SH3TC2: variants seen among roughly 807,000 people sequenced by gnomAD.
SH3TC2 encodes the protein SH3 domain and tetratricopeptide repeat-containing protein 2.
In SH3TC2, 87 loss-of-function variants were observed where a neutral mutation model predicts 124.5. The ratio of observed to expected loss-of-function variants is 0.70; its 90% CI spans 0.59 to 0.84. The LOEUF is 0.84. SH3TC2 is among the 40% of genes least tolerant of loss of function. The probability of loss-of-function intolerance (pLI) is 0.00; values close to 1 mark genes in which losing one functional copy is unlikely to be tolerated. For synonymous variants in SH3TC2, 634 were observed against 628.5 expected (o/e 1.01, Z -0.13); for missense variants, 1,536 against 1,566.4 (o/e 0.98, Z 0.33).
At chr5:149,045,442 C>T (rs1053973804) in intron 3 of SH3TC2, 1 of 152,178 alleles carries the variant, frequency 6.6e-6, no homozygotes, top group Non-Finnish European at 1.5e-5. Flanking sequence ...TGATAAACAT[C>T]TTTATAGCTA....
rs547035706 is a variant in SH3TC2, at chr5:149,008,966, C to A, written c.3363G>T (p.Ala1121=). 1 of 1,614,104 alleles carries A rather than the reference C, an allele frequency of 6.2e-7. No homozygotes were observed. Among genetic ancestry groups the A allele is most frequent in the Admixed American group, 1.7e-5 (1 of 60,006 alleles). The change falls in exon 15 of 17, where the codon GCG becomes GCT. Residue 1121 remains alanine, a synonymous_variant. Coordinates refer to ENST00000515425, the MANE Select transcript of SH3TC2 (RefSeq NM_024577.4). ...TGAAAATCCGGAGCTCAGTTCTCAC[C>A]GCCTTCAACCTCCTTGCTAAAGGAA... The part of the protein sequence containing the change: ...GAVPLARRLK[A]VRTELRIFNK...
Position 149,062,954 on chromosome 5 carries a change from C to A in SH3TC2, c.52+17G>T. On this transcript the variant is annotated intron_variant, in intron 1 of 16. Transcript: ENST00000515425. The stretch of plus-strand genomic sequence containing the variant: ...CTTTGGCCAAGCCACAGGCCAAGGG[C>A]CCCCTGGGAAACTCACCTGGGCCCC... The A allele has an allele frequency of 6.3e-7, 1 of 1,578,748 alleles. No individual in the cohort carries two copies. Among genetic ancestry groups the A allele is most frequent in the East Asian group, 2.3e-5 (1 of 43,220 alleles).
chr5:149,012,527 C>T (rs1753800747), intron 13 of SH3TC2, 57 bp downstream of exon 13: 1 of 1,605,568 alleles, frequency 6.2e-7, no homozygotes, highest in Non-Finnish European at 8.5e-7. Flanking sequence ...GAGGGTACAG[C>T]TGCCTCCCCA....
chr5:149,015,933 T>C (rs1393914878), intron 12 of SH3TC2, among the ~76,000 whole-genome samples: 1 of 152,264 alleles, frequency 6.6e-6, no homozygotes, highest in Non-Finnish European at 1.5e-5. Context: ...TTAGAATTCT[T>C]AGCCCATTTT....
Position 149,008,199 on chromosome 5 carries a change from G to T in SH3TC2, c.3478+652C>A, listed in dbSNP as rs569884918. 3.1e-5 allele frequency: 5 copies of T among 158,776 alleles called. No individual in the cohort carries two copies. The East Asian group carries it at 9.2e-4, about 29-fold the overall frequency. 9.8% of individuals were successfully genotyped at this position (158,776 alleles called of 1,614,324 possible). A position where few individuals can be genotyped will look rare whatever the true frequency, so the allele number is the denominator to read the frequency against. ...TACATTTACCCTTACATCTAATCAA[G>T]GCTTCTCTATCAAACCTGCTTTTCT... On this transcript the variant is annotated intron_variant, in intron 15 of 16. Coordinates refer to ENST00000515425, the MANE Select transcript of SH3TC2 (RefSeq NM_024577.4).
intron 12 of SH3TC2, among the ~76,000 whole-genome samples, chr5:149,018,703 A>C (rs546257941): frequency 1.3e-5 from 2 of 152,324 alleles, no homozygotes; most frequent in African/African-American, 4.8e-5. Flanking sequence ...CAGCCAAACC[A>C]TGTCACTACT....
At chr5:149,032,232 T>C (rs1294607614) in intron 8 of SH3TC2, among the ~76,000 whole-genome samples, 2 of 152,146 alleles carry the variant, frequency 1.3e-5, no homozygotes, top group Non-Finnish European at 2.9e-5. Flanking sequence ...AACAACAGTT[T>C]AGTCAACATT....
intron 9 of SH3TC2, among the ~76,000 whole-genome samples, chr5:149,029,845 C>T (rs1166385442): frequency 6.6e-6 from 1 of 151,638 alleles, no homozygotes; most frequent in Non-Finnish European, 1.5e-5. Context: ...TCACACTCCA[C>T]AGGATGGTAG....
chr5:149,010,225 CCCGTGCCAGGA>C (rs2127392826), intron 14 of SH3TC2, 34 bp downstream of exon 14: 1 of 1,613,662 alleles, frequency 6.2e-7, no homozygotes, highest in East Asian at 2.2e-5. Context: ...CCTTCCCATG[CCCGTGCCAGGA>C]CCTGTCTCAG....
chr5:149,007,694 C>T (rs1721902335), intron 15 of SH3TC2: 1 of 164,278 alleles, frequency 6.1e-6, no homozygotes, highest in Non-Finnish European at 1.3e-5. Flanking sequence ...GGGTCTATGA[C>T]TTGTTGTTTG....
In SH3TC2 at chr5:148,994,697, A is replaced by AGGAT. The variant is rs201323132; in HGVS notation, c.*10010_*10013dup. Among the ~76,000 whole-genome samples the AGGAT allele has an allele frequency of 0.17, 25,247 of 144,726 alleles. 3,021 individuals carry two copies. Among genetic ancestry groups the AGGAT allele is most frequent in the African/African-American group, 0.31 (11,998 of 38,760 alleles). The allele number at this position is 144,726 out of a possible 152,430, so 94.9% of individuals were successfully genotyped here. On this transcript the variant is annotated 3_prime_UTR_variant, in exon 17 of 17. Transcript: ENST00000515425. ...TTGGATAAATGAATGGATGGATGGAAGGATGGATGGATGGATGGATGGATG... is the reference window on the plus strand; with the variant it reads ...TTGGATAAATGAATGGATGGATGGAAGGATGGATGGATGGATGGATGGATGGATG...
At chr5:149,007,537 T>C (rs1357988486) in intron 15 of SH3TC2, 1 of 259,026 alleles carries the variant, frequency 3.9e-6, no homozygotes, top group Non-Finnish European at 7.4e-6. Flanking sequence ...AATGTCTTCC[T>C]CACACAAAAG....
In SH3TC2 at chr5:149,044,583, G is replaced by C. The variant is rs764074462; in HGVS notation, c.335C>G (p.Thr112Ser). Residue 112 changes from threonine (T) to serine (S), a missense_variant, in exon 4 of 17, where the codon ACC (threonine) becomes AGC (serine). Around this residue, in one of 3 missense-constraint regions of SH3TC2, gnomAD observed 1,102 missense variants for 1,098.6 expected, o/e 1.00. Transcript: ENST00000515425. ...CCAGATTTCCTCCATGGTCTTGAAG[G>C]TGATGAGAAACTGGGCCCTCTGAGA... The part of the protein sequence containing the change: ...IQSQRAQFLI[T>S]FKTMEEIWKF... The C allele has an allele frequency of 6.2e-7, 1 of 1,614,080 alleles. No homozygotes were observed. Among genetic ancestry groups the C allele is most frequent in the Non-Finnish European group, 8.5e-7 (1 of 1,179,986 alleles).
chr5:149,020,069 T>C (rs936173416), intron 12 of SH3TC2, among the ~76,000 whole-genome samples: 11 of 151,012 alleles, frequency 7.3e-5, no homozygotes, highest in Admixed American at 2.6e-4. Flanking sequence ...ATATGATCAC[T>C]GCCTTAGGTG....
At chr5:149,010,933 A>G (rs1161536281) in intron 13 of SH3TC2, among the ~76,000 whole-genome samples, 2 of 152,254 alleles carry the variant, frequency 1.3e-5, no homozygotes, top group African/African-American at 4.8e-5. Context: ...AAAAGAAAAC[A>G]GAACCTCCCC....
At chr5:149,034,521 C>A in intron 8 of SH3TC2, 1 of 404,928 alleles carries the variant, frequency 2.5e-6, no homozygotes, top group Non-Finnish European at 4.9e-6. Flanking sequence ...ACACCAAGTC[C>A]TGAGCAAAAT....
Position 149,038,408 on chromosome 5 carries a change from C to T in SH3TC2, c.888G>A (p.Glu296=). The change falls in exon 8 of 17, where the codon GAG becomes GAA. Residue 296 remains glutamate (E), a synonymous_variant. Transcript: ENST00000515425. ...GCCCAGGTATGACAAAGCCGATGAT[C>T]TCAATGCTTTCTCCCTGGTAGAAAT... The part of the protein sequence containing the change: ...ELNFYQGESI[E]IIGFVIPGLQ... The T allele has an allele frequency of 1.2e-6, 2 of 1,614,196 alleles. No homozygotes were observed. Among genetic ancestry groups the T allele is most frequent in the South Asian group, 2.2e-5 (2 of 91,074 alleles).
chr5:148,999,704 C>T lies in SH3TC2; in HGVS notation c.*5007G>A, dbSNP rs1753565397. ...CAAGGCTGGAGTGTTGTGTTGCAAT[C>T]GCCAAGTCCTAATGTGTTTTCTACC... On this transcript the variant is annotated 3_prime_UTR_variant, in exon 17 of 17. Transcript: ENST00000515425. Among the ~76,000 whole-genome samples, 1 of 152,194 alleles carries T rather than the reference C, an allele frequency of 6.6e-6. No homozygotes were observed. The highest frequency in any genetic ancestry group is 2.4e-5 in the African/African-American group (1 of 41,448).
chr5:148,985,890 T>A lies in SH3TC2; in HGVS notation c.*18821A>T, dbSNP rs1206234117. ...TATATAGATTTGGCCCACTATCATA[T>A]CTCCATTAGGGCTCAAAAGACTTCA... On this transcript the variant is annotated 3_prime_UTR_variant, in exon 17 of 17. Coordinates refer to ENST00000515425, the MANE Select transcript of SH3TC2 (RefSeq NM_024577.4). 6.6e-6 allele frequency among the ~76,000 whole-genome samples: 1 copy of A among 152,236 alleles called. No individual in the cohort carries two copies. Among genetic ancestry groups the A allele is most frequent in the Non-Finnish European group, 1.5e-5 (1 of 68,036 alleles).
Sources: gnomAD v4.1 joint callset for allele counts (sites outside exome capture counted in the v4.1 genomes callset) on GRCh38, gnomAD v4.1.1 for gene constraint, gnomAD v4.1.1 regional missense constraint, MANE v1.5 for transcripts, NCBI Gene and HGNC (gene_info 2026-07-23, HGNC 2026-07-21) for gene names.